The following LRFN5 variants were observed in gnomAD, a reference collection of about 807,000 sequenced individuals.
The protein encoded by LRFN5 is leucine-rich repeat and fibronectin type-III domain-containing protein 5.
Under a neutral mutation model 45.6 loss-of-function variants are expected in LRFN5, and 24 were observed. That is an observed-to-expected ratio of 0.53 (90% CI 0.38 to 0.74). The LOEUF (loss-of-function observed/expected upper bound fraction) is 0.74. LRFN5 is among the 30% of genes least tolerant of loss of function. The pLI is 0.00. For synonymous variants in LRFN5, 340 were observed against 313.8 expected (o/e 1.08, Z -0.88); for missense variants, 776 against 861.5 (o/e 0.90, Z 1.24).
At chr14:41,782,203 C>A (rs1410261574) in intron 2 of LRFN5, among the ~76,000 whole-genome samples, 1 of 151,524 alleles carries the variant, frequency 6.6e-6, no homozygotes, top group Non-Finnish European at 1.5e-5. Context: ...CTTGGATATT[C>A]CGTTTCTTTT....
chr14:41,627,107 G>C (rs1888361636), intron 1 of LRFN5, among the ~76,000 whole-genome samples: 1 of 152,094 alleles, frequency 6.6e-6, no homozygotes, highest in East Asian at 1.9e-4. Context: ...ACTCTAAGGA[G>C]GTTAGCTTTT....
chr14:41,703,784 TGTAA>T (rs1405554869), intron 1 of LRFN5, among the ~76,000 whole-genome samples: 1 of 152,136 alleles, frequency 6.6e-6, no homozygotes, highest in Non-Finnish European at 1.5e-5. Flanking sequence ...GTACAATAAA[TGTAA>T]GTATTTTATC....
intron 3 of LRFN5, among the ~76,000 whole-genome samples, chr14:41,889,929 T>C (rs1890716479): frequency 6.6e-6 from 1 of 152,120 alleles, no homozygotes; most frequent in Non-Finnish European, 1.5e-5. Flanking sequence ...AGTGGCACAA[T>C]CTCGGCTCAC....
chr14:41,771,621 G>A (rs781657890), intron 2 of LRFN5, among the ~76,000 whole-genome samples: 47 of 151,956 alleles, frequency 3.1e-4, no homozygotes, highest in Admixed American at 1.0e-3. Context: ...CAGTACAGCC[G>A]AGTTATTTGC....
At chr14:41,641,038 T>C (rs902181079) in intron 1 of LRFN5, among the ~76,000 whole-genome samples, 5 of 152,008 alleles carry the variant, frequency 3.3e-5, no homozygotes, top group African/African-American at 9.7e-5. Flanking sequence ...TTCAAAGATA[T>C]AGAATGGCTG....
intron 2 of LRFN5, among the ~76,000 whole-genome samples, chr14:41,809,535 A>G (rs1887668444): frequency 6.6e-6 from 1 of 151,962 alleles, no homozygotes. Context: ...TCAAAATTTT[A>G]ATTAAAATAT....
chr14:41,659,890 A>AT (rs1422200974), intron 1 of LRFN5, among the ~76,000 whole-genome samples: 1 of 124,656 alleles, frequency 8.0e-6, no homozygotes, highest in East Asian at 2.4e-4. Context: ...CCACTTTTTG[A>AT]TGTTTTTTTT....
At chr14:41,625,716 C>G (rs1404294903) in intron 1 of LRFN5, among the ~76,000 whole-genome samples, 1 of 151,684 alleles carries the variant, frequency 6.6e-6, no homozygotes, top group East Asian at 1.9e-4. Context: ...TTTATTTGAC[C>G]TATAATAATC....
intron 1 of LRFN5, among the ~76,000 whole-genome samples, chr14:41,634,841 C>A (rs1317044712): frequency 6.6e-6 from 1 of 151,992 alleles, no homozygotes; most frequent in East Asian, 1.9e-4. Context: ...TACACTGGAT[C>A]AACATTCTTT....
intron 2 of LRFN5, among the ~76,000 whole-genome samples, chr14:41,877,767 T>G (rs1890238109): frequency 6.6e-6 from 1 of 152,118 alleles, no homozygotes; most frequent in African/African-American, 2.4e-5. Context: ...GGCCATCTAT[T>G]TTGTTTATAT....
At chr14:41,847,469 G>T (rs536948272) in intron 2 of LRFN5, among the ~76,000 whole-genome samples, 195 of 151,916 alleles carry the variant, frequency 1.3e-3, no homozygotes, top group African/African-American at 4.5e-3. Flanking sequence ...GTTTTTTCTT[G>T]GTCTTAAAAT....
At chr14:41,669,762 T>G (rs1468042686) in intron 1 of LRFN5, among the ~76,000 whole-genome samples, 1 of 151,742 alleles carries the variant, frequency 6.6e-6, no homozygotes, top group Non-Finnish European at 1.5e-5. Flanking sequence ...CACAGAAATT[T>G]TCACTTAACA....
At chr14:41,675,464 G>A (rs1203079353) in intron 1 of LRFN5, among the ~76,000 whole-genome samples, 2 of 152,220 alleles carry the variant, frequency 1.3e-5, no homozygotes, top group South Asian at 2.1e-4. Context: ...CCAGTCAGGC[G>A]TGGCGGCGCG....
chr14:41,689,956 C>A (rs1882301001), intron 1 of LRFN5, among the ~76,000 whole-genome samples: 1 of 148,492 alleles, frequency 6.7e-6, no homozygotes, highest in African/African-American at 2.5e-5. Flanking sequence ...TAATAATACA[C>A]TTTTGAACTA....
chr14:41,609,329 G>GTTGT (rs200210835), intron 1 of LRFN5, among the ~76,000 whole-genome samples: 2,512 of 151,792 alleles, frequency 0.017, 60 homozygotes, highest in African/African-American at 0.056. Context: ...TTTTGTTGTT[G>GTTGT]TTGTTTGTTT....
At chr14:41,810,820 GTCTT>G (rs973776918) in intron 2 of LRFN5, among the ~76,000 whole-genome samples, 2 of 151,988 alleles carry the variant, frequency 1.3e-5, no homozygotes, top group African/African-American at 2.4e-5. Flanking sequence ...TTTCTGTACT[GTCTT>G]TCTTAGTTGA....
intron 2 of LRFN5, among the ~76,000 whole-genome samples, chr14:41,770,815 C>G (rs1453265350): frequency 2.0e-5 from 3 of 152,104 alleles, no homozygotes; most frequent in African/African-American, 7.2e-5. Context: ...CACAGCTCCA[C>G]TAGACAGTGT....
chr14:41,796,119 A>G (rs1887120402), intron 2 of LRFN5, among the ~76,000 whole-genome samples: 1 of 152,014 alleles, frequency 6.6e-6, no homozygotes, highest in Non-Finnish European at 1.5e-5. Context: ...ATAAATTTAA[A>G]CACAAAATGT....
intron 1 of LRFN5, among the ~76,000 whole-genome samples, chr14:41,730,058 G>A (rs779455003): frequency 1.6e-4 from 24 of 152,026 alleles, no homozygotes; most frequent in South Asian, 6.2e-4. Context: ...GTACATGTTT[G>A]CCAAAATTCT....
Sources: gnomAD v4.1 joint callset for allele counts (sites outside exome capture counted in the v4.1 genomes callset) on GRCh38, gnomAD v4.1.1 for gene constraint, MANE v1.5 for transcripts, NCBI Gene and HGNC (gene_info 2026-07-23, HGNC 2026-07-21) for gene names.